The following IGSF10 variants were observed in gnomAD, a reference collection of about 807,000 sequenced individuals.
IGSF10 encodes calvaria mechanical force protein 608.
A neutral mutation model predicts 128.2 loss-of-function variants in IGSF10; 126 were observed. The observed-to-expected ratio is 0.98, with a 90% confidence interval of 0.85 to 1.14. The LOEUF is 1.14. IGSF10 is among the 50% of genes most tolerant of loss of function. The pLI is 0.00. For missense variants in IGSF10, 3,295 were observed against 3,149.8 expected (o/e 1.05, Z -1.10); for synonymous variants, 1,185 against 1,146.2 (o/e 1.03, Z -0.68).
the IGSF10 span, among the ~76,000 whole-genome samples, chr3:151,561,708 C>G: frequency 1.3e-5 from 2 of 151,988 alleles, no homozygotes; most frequent in African/African-American, 4.8e-5. Flanking sequence ...ACATCTGTTA[C>G]CATTTGTAGT....
chr3:151,463,871 T>G (rs180966676), upstream of IGSF10, among the ~76,000 whole-genome samples: 7 of 152,296 alleles, frequency 4.6e-5, no homozygotes, highest in South Asian at 6.2e-4. Context: ...CTGCTTCTAT[T>G]TATAAAATTT....
chr3:151,605,665 G>T, the IGSF10 span, among the ~76,000 whole-genome samples: 5 of 152,120 alleles, frequency 3.3e-5, no homozygotes, highest in Non-Finnish European at 7.4e-5. Context: ...AAACACTAAG[G>T]GTTAGACAGG....
the IGSF10 span, among the ~76,000 whole-genome samples, chr3:151,610,564 T>C: frequency 6.6e-6 from 1 of 152,222 alleles, no homozygotes; most frequent in East Asian, 1.9e-4. Context: ...AGAACTCAGA[T>C]GAAGGTGTGT....
the IGSF10 span, among the ~76,000 whole-genome samples, chr3:151,546,044 A>C: frequency 2.0e-5 from 3 of 149,096 alleles, no homozygotes; most frequent in Non-Finnish European, 4.5e-5. Flanking sequence ...TGTGGCCACA[A>C]AAAAAAAAAA....
At chr3:151,489,400 G>A in the IGSF10 span, among the ~76,000 whole-genome samples, 2 of 152,138 alleles carry the variant, frequency 1.3e-5, no homozygotes, top group East Asian at 1.9e-4. Context: ...TCAACCATTG[G>A]GAAGACAGTG....
the IGSF10 span, among the ~76,000 whole-genome samples, chr3:151,468,887 C>G: frequency 4.6e-5 from 7 of 152,184 alleles, no homozygotes; most frequent in Non-Finnish European, 7.3e-5. Flanking sequence ...TGCTCTCCCT[C>G]CCCCTGCCCT....
At chr3:151,488,666 G>T in the IGSF10 span, among the ~76,000 whole-genome samples, 4 of 151,984 alleles carry the variant, frequency 2.6e-5, no homozygotes, top group Non-Finnish European at 5.9e-5. Flanking sequence ...CAGAAATAAG[G>T]CCACACATCT....
At chr3:151,519,317 G>T in the IGSF10 span, among the ~76,000 whole-genome samples, 1,267 of 151,484 alleles carry the variant, frequency 8.4e-3, 18 homozygotes, top group African/African-American at 0.029. Flanking sequence ...GCCCTCACTT[G>T]CATGGGTCAT....
the IGSF10 span, among the ~76,000 whole-genome samples, chr3:151,526,933 T>C: frequency 6.6e-6 from 1 of 152,192 alleles, no homozygotes. Context: ...TATGTACATA[T>C]GTGAAGGAGA....
At chr3:151,517,328 A>T in the IGSF10 span, among the ~76,000 whole-genome samples, 1 of 152,026 alleles carries the variant, frequency 6.6e-6, no homozygotes, top group African/African-American at 2.4e-5. Flanking sequence ...TAAAGTGAGT[A>T]GACTGTTTAG....
chr3:151,483,906 GT>G, the IGSF10 span, among the ~76,000 whole-genome samples: 1 of 152,072 alleles, frequency 6.6e-6, no homozygotes, highest in Admixed American at 6.5e-5. Context: ...AGATGCATGA[GT>G]TTTTTTTATA....
At chr3:151,563,712 AT>A in the IGSF10 span, among the ~76,000 whole-genome samples, 2,458 of 152,300 alleles carry the variant, frequency 0.016, 21 homozygotes, top group South Asian at 0.025. Flanking sequence ...TTTAAAAAAA[AT>A]ATTAGCCTGC....
intron 4 of IGSF10, among the ~76,000 whole-genome samples, chr3:151,454,399 A>G (rs941569141): frequency 6.6e-6 from 1 of 152,172 alleles, no homozygotes; most frequent in African/African-American, 2.4e-5. Context: ...GATATATAGA[A>G]GTACTTACAG....
the IGSF10 span, among the ~76,000 whole-genome samples, chr3:151,570,179 G>A: frequency 6.6e-6 from 1 of 152,250 alleles, no homozygotes; most frequent in Admixed American, 6.5e-5. Context: ...ATTGTGAATA[G>A]TGCCGCAATA....
At chr3:151,525,002 CTTT>C in the IGSF10 span, among the ~76,000 whole-genome samples, 5 of 49,692 alleles carry the variant, frequency 1.0e-4, no homozygotes, top group South Asian at 1.2e-3. Context: ...TGCATTACAC[CTTT>C]TTTTTTTTTT....
chr3:151,544,150 C>G, the IGSF10 span, among the ~76,000 whole-genome samples: 1 of 152,138 alleles, frequency 6.6e-6, no homozygotes, highest in Non-Finnish European at 1.5e-5. Flanking sequence ...CTCAAGTGAT[C>G]CACCTGCCTC....
the IGSF10 span, among the ~76,000 whole-genome samples, chr3:151,592,761 T>G: frequency 1.3e-5 from 2 of 152,174 alleles, no homozygotes; most frequent in African/African-American, 4.8e-5. Flanking sequence ...AGAAACAATG[T>G]TGTGCACATT....
the IGSF10 span, among the ~76,000 whole-genome samples, chr3:151,489,265 C>T: frequency 6.6e-5 from 10 of 152,120 alleles, no homozygotes; most frequent in Admixed American, 6.5e-4. Context: ...CAAATCAAAA[C>T]CACAATGAGA....
At position 151,437,851 on chromosome 3, in the gene IGSF10, A is replaced by T; in HGVS notation, c.6710T>A (p.Ile2237Asn). 1 of 1,614,104 alleles carries T rather than the reference A, an allele frequency of 6.2e-7. No homozygotes were observed. The highest frequency in any genetic ancestry group is 8.5e-7 in the Non-Finnish European group (1 of 1,180,000). The change falls in exon 8 of 8, where the codon ATC becomes AAC. Residue 2237 changes from isoleucine to asparagine, a missense_variant. Physicochemically the swap from Ile to Asn is moderately radical, Grantham distance 149. Transcript: ENST00000282466. Reference protein sequence around the residue: ...KLDVVSKPPLINGLYTNRTVI... With the variant: ...KLDVVSKPPLNNGLYTNRTVI... Reference sequence around the variant, plus strand: ...AGTTCTGTTTGTATACAGACCATTGATTAATGGAGGTTTAGAGACCACATC... The same window carrying T: ...AGTTCTGTTTGTATACAGACCATTGTTTAATGGAGGTTTAGAGACCACATC...
Sources: allele counts gnomAD v4.1 joint callset (sites outside exome capture counted in the v4.1 genomes callset), GRCh38; gene constraint gnomAD v4.1.1; transcripts MANE v1.5; gene names NCBI Gene and HGNC (gene_info 2026-07-23, HGNC 2026-07-21).